The following CPA4 variants were observed in gnomAD, a reference collection of about 807,000 sequenced individuals.
The protein encoded by CPA4 is carboxypeptidase A4.
CPA4 carries 49 observed loss-of-function variants against 54.7 expected under a neutral mutation model. The ratio of observed to expected loss-of-function variants is 0.90; its 90% CI spans 0.71 to 1.14. The LOEUF (loss-of-function observed/expected upper bound fraction) is 1.14. Among genes scored for constraint, CPA4 ranks in the 50% most tolerant of loss-of-function variants. The pLI, the probability that CPA4 is intolerant of heterozygous loss-of-function variation, is 0.00. For synonymous variants in CPA4, 215 were observed against 206.8 expected (o/e 1.04, Z -0.34); for missense variants, 487 against 525.1 (o/e 0.93, Z 0.71).
In CPA4 at chr7:130,305,856, T is replaced by C. The variant is rs780143875; in HGVS notation, c.527T>C (p.Leu176Pro). Residue 176 changes from leucine to proline, a missense_variant, in exon 6 of 11, where the codon CTG becomes CCG. Physicochemically the swap from Leu to Pro is moderately conservative, Grantham distance 98. Transcript: ENST00000222482. ...GKGVRRPAVW[L>P]NAGIHSREWI... The stretch of plus-strand genomic sequence containing the variant: ...GGCGTGAGGCGGCCGGCCGTTTGGC[T>C]GAATGCAGGCATCCATTCCCGAGAG... The C allele has an allele frequency of 3.1e-6, 5 of 1,614,224 alleles. No homozygotes were observed. Among genetic ancestry groups the C allele is most frequent in the Non-Finnish European group, 3.4e-6 (4 of 1,180,036 alleles).
chr7:130,307,965 G>T (rs545025139), intron 7 of CPA4, among the ~76,000 whole-genome samples: 4 of 152,294 alleles, frequency 2.6e-5, no homozygotes, highest in African/African-American at 9.6e-5. Flanking sequence ...GGGGCTGTGC[G>T]CTTCCAGCTA....
At chr7:130,294,846 A>G (rs1440865515) in intron 1 of CPA4, among the ~76,000 whole-genome samples, 2 of 152,350 alleles carry the variant, frequency 1.3e-5, no homozygotes, top group African/African-American at 4.8e-5. Context: ...GGGAACATTT[A>G]GAGCAAGGGG....
At chr7:130,319,537 ATT>A (rs1368902873) in intron 10 of CPA4, among the ~76,000 whole-genome samples, 1 of 152,208 alleles carries the variant, frequency 6.6e-6, no homozygotes, top group African/African-American at 2.4e-5. Flanking sequence ...ACAAAATTTT[ATT>A]TTAGTGTGCA....
In CPA4 at chr7:130,307,001, G is replaced by A; in HGVS notation, c.702+104G>A. On this transcript the variant is annotated intron_variant, in intron 7 of 10. Coordinates refer to ENST00000222482, the MANE Select transcript of CPA4 (RefSeq NM_016352.4). Reference sequence around the variant, plus strand: ...ATTTCCACAAATGTGCACCTTATGAGCTTCCTTGGGATTTCATCTTCTAGT... The same window carrying A: ...ATTTCCACAAATGTGCACCTTATGAACTTCCTTGGGATTTCATCTTCTAGT... The A allele has an allele frequency of 7.0e-6, 5 of 713,832 alleles. No homozygotes were observed. The Middle Eastern group carries it at 1.2e-3, about 165-fold the overall frequency. The allele number at this position is 713,832 out of a possible 1,614,324, so 44.2% of individuals were successfully genotyped here.
intron 7 of CPA4, chr7:130,308,089 A>G (rs1793852590): frequency 5.2e-6 from 3 of 581,760 alleles, no homozygotes; most frequent in East Asian, 5.8e-5. Context: ...AGGTCTCATC[A>G]GTACATTTGG....
intron 10 of CPA4, among the ~76,000 whole-genome samples, chr7:130,313,762 T>C (rs1363997595): frequency 6.6e-6 from 1 of 152,172 alleles, no homozygotes; most frequent in African/African-American, 2.4e-5. Flanking sequence ...GGGAGAAAGA[T>C]AAACTAGGAC....
chr7:130,302,197 G>A (rs113538009), intron 4 of CPA4, among the ~76,000 whole-genome samples: 2,687 of 152,106 alleles, frequency 0.018, 92 homozygotes, highest in African/African-American at 0.062. Context: ...TAAAGAACTC[G>A]TATTCTAGGC....
At chr7:130,303,794 ATTTTT>A (rs10560933) in intron 4 of CPA4, among the ~76,000 whole-genome samples, 1 of 144,564 alleles carries the variant, frequency 6.9e-6, no homozygotes, top group Non-Finnish European at 1.5e-5. Flanking sequence ...GCAGCTGCCT[ATTTTT>A]TTTTTTTTTG....
intron 4 of CPA4, among the ~76,000 whole-genome samples, chr7:130,301,830 A>T (rs1218961340): frequency 6.6e-6 from 1 of 152,204 alleles, no homozygotes; most frequent in Non-Finnish European, 1.5e-5. Flanking sequence ...GACCAGTGAC[A>T]TACATCTGCA....
rs1468879639 is a variant in CPA4 at position 130,299,259 on chromosome 7, G to A, written c.151-11G>A. On this transcript the variant is annotated splice_polypyrimidine_tract_variant and intron_variant, in intron 2 of 10. Coordinates refer to ENST00000222482, the MANE Select transcript of CPA4 (RefSeq NM_016352.4). ...GGTCCTTTAACCTGGTTTCATTTCT[G>A]TTCCCTTCAGCTCAATTTCTGGAAA... 1 of 1,613,594 alleles carries A rather than the reference G, an allele frequency of 6.2e-7. No homozygotes were observed. The highest frequency in any genetic ancestry group is 1.7e-5 in the Admixed American group (1 of 60,028).
chr7:130,323,501 G>C lies in CPA4; in HGVS notation c.*825G>C, dbSNP rs1432126047. The C allele has an allele frequency of 2.6e-5, 4 of 152,322 alleles. No homozygotes were observed. Among genetic ancestry groups the C allele is most frequent in the Admixed American group, 1.3e-4 (2 of 15,284 alleles). The allele number at this position is 152,322 out of a possible 1,614,324, so 9.4% of individuals were successfully genotyped here. On this transcript the variant is annotated 3_prime_UTR_variant, in exon 11 of 11. Coordinates refer to ENST00000222482, the MANE Select transcript of CPA4 (RefSeq NM_016352.4). ...CCCAGAGTGCTGGGATTACAGGTGTGAGCCACTGTGCCGGGCCCGTCCCCT... is the reference window on the plus strand; with the variant it reads ...CCCAGAGTGCTGGGATTACAGGTGTCAGCCACTGTGCCGGGCCCGTCCCCT...
chr7:130,319,322 C>G (rs1794047636), intron 10 of CPA4, among the ~76,000 whole-genome samples: 1 of 152,190 alleles, frequency 6.6e-6, no homozygotes, highest in Non-Finnish European at 1.5e-5. Flanking sequence ...TTTTCACGCT[C>G]ATGTGTGACA....
intron 3 of CPA4, 71 bp downstream of exon 3, chr7:130,299,475 T>C (rs2117134422): frequency 7.0e-7 from 1 of 1,428,650 alleles, no homozygotes; most frequent in Non-Finnish European, 9.8e-7. Context: ...TAGACCGGAG[T>C]GATTTGCAAG....
rs1430943998 is a variant in CPA4 at position 130,303,842 on chromosome 7, A to T, written c.385-636A>T. ...ATTTGTAGAGCTGGGGAGTCTCCTT[A>T]CGTTGCCCAGGCTGGTCTCGAACTC... On this transcript the variant is annotated intron_variant, in intron 4 of 10. Transcript: ENST00000222482. Among the ~76,000 whole-genome samples, 6 of 149,726 alleles carry T rather than the reference A, an allele frequency of 4.0e-5. No homozygotes were observed. In the East Asian group the frequency reaches 1.2e-3, roughly 29 times the overall value.
In CPA4 at chr7:130,313,806, A is replaced by T. The variant is rs73721868; in HGVS notation, c.1078+1684A>T. Among the ~76,000 whole-genome samples the T allele has an allele frequency of 4.4e-3, 668 of 152,306 alleles. 4 individuals are homozygous for T. The highest frequency in any genetic ancestry group is 0.015 in the African/African-American group (612 of 41,578). On this transcript the variant is annotated intron_variant, in intron 10 of 10. Coordinates refer to ENST00000222482, the MANE Select transcript of CPA4 (RefSeq NM_016352.4). ...CAGTTTAGTTGGTGCGGAGACAAAGATATGTGTTGGTGCCACACCAAAAGA... is the reference window on the plus strand; with the variant it reads ...CAGTTTAGTTGGTGCGGAGACAAAGTTATGTGTTGGTGCCACACCAAAAGA...
chr7:130,318,954 C>G, intron 10 of CPA4, among the ~76,000 whole-genome samples: 1 of 152,180 alleles, frequency 6.6e-6, no homozygotes, highest in Non-Finnish European at 1.5e-5. Flanking sequence ...CCTTCTAAAA[C>G]AGAGCATGGA....
chr7:130,304,451 C>G (rs1194137006), intron 4 of CPA4, 27 bp from the exon 5 acceptor site: 3 of 1,342,734 alleles, frequency 2.2e-6, no homozygotes, highest in East Asian at 2.3e-5. Flanking sequence ...TTTAAAATGT[C>G]CCTGGATTCA....
intron 1 of CPA4, among the ~76,000 whole-genome samples, chr7:130,295,226 G>A (rs775779028): frequency 2.6e-5 from 4 of 152,334 alleles, no homozygotes; most frequent in South Asian, 2.1e-4. Context: ...CACAAAGGAC[G>A]GGCCACTTGG....
At chr7:130,307,764 A>G (rs1376418488) in intron 7 of CPA4, among the ~76,000 whole-genome samples, 1 of 152,122 alleles carries the variant, frequency 6.6e-6, no homozygotes. Flanking sequence ...CACACCTTTT[A>G]AAAGTCTCAC....
Sources: allele counts gnomAD v4.1 joint callset (sites outside exome capture counted in the v4.1 genomes callset), GRCh38; gene constraint gnomAD v4.1.1; transcripts MANE v1.5; gene names NCBI Gene and HGNC (gene_info 2026-07-23, HGNC 2026-07-21).